The following UNC13B variants were observed in gnomAD, a reference collection of about 807,000 sequenced individuals.
The protein encoded by UNC13B is unc-13 homolog B.
In UNC13B, 144 loss-of-function variants were observed where a neutral mutation model predicts 211.0. The observed-to-expected ratio is 0.68, with a 90% confidence interval of 0.60 to 0.78. The LOEUF (loss-of-function observed/expected upper bound fraction) is 0.78. Ranked by LOEUF, UNC13B falls within the 30% of genes least tolerant of loss-of-function variation. The pLI is 0.00. For missense variants in UNC13B, 1,777 were observed against 2,002.0 expected (o/e 0.89, Z 2.14); for synonymous variants, 709 against 725.8 (o/e 0.98, Z 0.37).
intron 26 of UNC13B, among the ~76,000 whole-genome samples, chr9:35,393,626 C>T (rs944914770): frequency 3.4e-4 from 47 of 139,630 alleles, no homozygotes; most frequent in Admixed American, 9.4e-4. Flanking sequence ...GGCTGGAGTG[C>T]AGTGGGCTGA....
At chr9:35,299,356 A>G (rs1391370663) in intron 8 of UNC13B, among the ~76,000 whole-genome samples, 1 of 152,178 alleles carries the variant, frequency 6.6e-6, no homozygotes, top group Non-Finnish European at 1.5e-5. Flanking sequence ...AATATGTTTG[A>G]CTATATTCTT....
At chr9:35,335,966 G>A (rs1245585635) in intron 11 of UNC13B, among the ~76,000 whole-genome samples, 2 of 152,134 alleles carry the variant, frequency 1.3e-5, no homozygotes, top group African/African-American at 4.8e-5. Flanking sequence ...GCCTCCATAA[G>A]TGGTGGGATT....
chr9:35,215,268 T>C (rs1824192878), intron 1 of UNC13B, among the ~76,000 whole-genome samples: 1 of 152,124 alleles, frequency 6.6e-6, no homozygotes, highest in Non-Finnish European at 1.5e-5. Flanking sequence ...CTAGGTGTGG[T>C]GGCACACGCC....
chr9:35,250,937 A>G (rs1232977636), intron 6 of UNC13B, among the ~76,000 whole-genome samples: 3 of 151,422 alleles, frequency 2.0e-5, no homozygotes, highest in Non-Finnish European at 2.9e-5. Flanking sequence ...GAAGCATGAA[A>G]AAATGTAGAG....
chr9:35,168,262 A>AG (rs1821150986), intron 1 of UNC13B, among the ~76,000 whole-genome samples: 1 of 152,064 alleles, frequency 6.6e-6, no homozygotes, highest in Non-Finnish European at 1.5e-5. Flanking sequence ...TTTAAGTTCA[A>AG]GGGGTACATA....
At position 35,397,149 on chromosome 9, in the gene UNC13B, G is replaced by T. The variant is rs2132351774; in HGVS notation, c.11533-18G>T. Reference sequence around the variant, plus strand: ...GATAGCAGCTGTGGATGGTGACCCTGTGTGTGGTCTTCCTTAGTTCCAGCA... The same window carrying T: ...GATAGCAGCTGTGGATGGTGACCCTTTGTGTGGTCTTCCTTAGTTCCAGCA... On this transcript the variant is annotated intron_variant, in intron 28 of 39. Coordinates refer to ENST00000635942, the MANE Select transcript of UNC13B (RefSeq NM_001371189.2). The T allele has an allele frequency of 6.2e-7, 1 of 1,613,302 alleles. No homozygotes were observed. The highest frequency in any genetic ancestry group is 1.1e-5 in the South Asian group (1 of 91,062).
At chr9:35,228,901 T>C (rs538726936) in intron 2 of UNC13B, among the ~76,000 whole-genome samples, 107 of 152,190 alleles carry the variant, frequency 7.0e-4, no homozygotes, top group Non-Finnish European at 1.2e-3. Flanking sequence ...TCTTGTGCAC[T>C]TCTCATTGCT....
At position 35,250,794 on chromosome 9, in the gene UNC13B, A is replaced by T. The variant is rs192268975; in HGVS notation, c.468+7430A>T. ...CTACCAGCAGTGTATAAGGGTTTCA[A>T]TTTCTTCATATTCTTGTCAACACTT... On this transcript the variant is annotated intron_variant, in intron 6 of 39. Coordinates refer to ENST00000635942, the MANE Select transcript of UNC13B (RefSeq NM_001371189.2). Among the ~76,000 whole-genome samples the T allele has an allele frequency of 7.7e-4, 117 of 152,096 alleles. 1 individual carries two copies. The South Asian group carries it at 0.019, about 24-fold the overall frequency.
At chr9:35,257,372 AAATATTTATAT>A (rs1290262771) in intron 6 of UNC13B, among the ~76,000 whole-genome samples, 7 of 135,054 alleles carry the variant, frequency 5.2e-5, no homozygotes, top group African/African-American at 1.1e-4. Flanking sequence ...AATATTTATA[AAATATTTATAT>A]AAATATTTAT....
chr9:35,180,251 G>A (rs1821861090), intron 1 of UNC13B, among the ~76,000 whole-genome samples: 1 of 151,776 alleles, frequency 6.6e-6, no homozygotes, highest in Non-Finnish European at 1.5e-5. Flanking sequence ...ATTGATTTTT[G>A]GAGAAATTAA....
At chr9:35,317,417 G>A (rs989874897) in intron 11 of UNC13B, among the ~76,000 whole-genome samples, 2 of 151,668 alleles carry the variant, frequency 1.3e-5, no homozygotes, top group African/African-American at 2.4e-5. Context: ...TGCCCAGGCT[G>A]GTCTTGAACT....
At chr9:35,370,518 C>A in intron 13 of UNC13B, 122 bp downstream of exon 13, 1 of 859,834 alleles carries the variant, frequency 1.2e-6, no homozygotes, top group Non-Finnish European at 1.8e-6. Context: ...GATGATCAAT[C>A]ATTTAAAGCC....
At chr9:35,278,815 C>T (rs976695746) in intron 7 of UNC13B, among the ~76,000 whole-genome samples, 1 of 151,940 alleles carries the variant, frequency 6.6e-6, no homozygotes, top group African/African-American at 2.4e-5. Context: ...TTTTTCTGTA[C>T]CCTGTCCTTT....
rs143502526 is a variant in UNC13B at position 35,352,060 on chromosome 9, T to C, written c.9415-14887T>C. 16 of 1,232,174 alleles carry C rather than the reference T, an allele frequency of 1.3e-5. No individual in the cohort carries two copies. The East Asian group carries it at 4.7e-4, about 36-fold the overall frequency. The allele number at this position is 1,232,174 out of a possible 1,614,324, so 76.3% of individuals were successfully genotyped here. ...TCCAGGGTTCCGTGGATGAAGTCTC[T>C]AGCTGTGTAGACTCAGTACTGAGTG... On this transcript the variant is annotated intron_variant, in intron 11 of 39. Transcript: ENST00000635942.
intron 36 of UNC13B, 82 bp downstream of exon 36, chr9:35,399,811 C>A: frequency 7.2e-7 from 1 of 1,390,284 alleles, no homozygotes; most frequent in Non-Finnish European, 1.0e-6. Context: ...ACCAGGTGTC[C>A]CTCCAATTCT....
At chr9:35,255,105 T>A (rs1183679704) in intron 6 of UNC13B, among the ~76,000 whole-genome samples, 2 of 132,650 alleles carry the variant, frequency 1.5e-5, no homozygotes, top group African/African-American at 5.7e-5. Flanking sequence ...TTATATATAT[T>A]TTTTCTTAGA....
At chr9:35,243,388 A>G (rs775102834) in intron 6 of UNC13B, 24 bp downstream of exon 6, 10 of 1,612,080 alleles carry the variant, frequency 6.2e-6, no homozygotes, top group South Asian at 4.4e-5. Flanking sequence ...TATTTGCAGT[A>G]TAGAGAGATG....
At chr9:35,200,122 G>C (rs1220334254) in intron 1 of UNC13B, among the ~76,000 whole-genome samples, 39 of 152,078 alleles carry the variant, frequency 2.6e-4, no homozygotes, top group Non-Finnish European at 1.5e-5. Context: ...TCTTGTTTTT[G>C]TCAGGTTTGT....
intron 11 of UNC13B, 65 bp downstream of exon 11, chr9:35,314,054 C>T (rs1830324677): frequency 5.5e-6 from 7 of 1,269,842 alleles, no homozygotes; most frequent in Non-Finnish European, 8.1e-6. Flanking sequence ...ACATATGGTG[C>T]TGGAGAAGCA....
Sources: gnomAD v4.1 joint callset for allele counts (sites outside exome capture counted in the v4.1 genomes callset) on GRCh38, gnomAD v4.1.1 for gene constraint, MANE v1.5 for transcripts, NCBI Gene and HGNC (gene_info 2026-07-23, HGNC 2026-07-21) for gene names.